VPS8: variants seen among roughly 807,000 people sequenced by gnomAD.
VPS8 encodes VPS8 subunit of CORVET complex.
Under a neutral mutation model 216.4 loss-of-function variants are expected in VPS8, and 129 were observed. That is an observed-to-expected ratio of 0.60 (90% confidence interval 0.52 to 0.69). The LOEUF is 0.69. Ranked by LOEUF, VPS8 falls within the 30% of genes least tolerant of loss-of-function variation. The probability of loss-of-function intolerance (pLI) is 0.00; values close to 1 mark genes in which losing one functional copy is unlikely to be tolerated. For missense variants in VPS8, 1,531 were observed against 1,683.5 expected, an observed-to-expected ratio of 0.91 and a Z score of 1.59; for synonymous variants, 571 against 565.4, an observed-to-expected ratio of 1.01 and a Z score of -0.14.
chr3:185,046,161 C>T (rs900892889), intron 46 of VPS8, among the ~76,000 whole-genome samples: 50 of 152,188 alleles, frequency 3.3e-4, no homozygotes, highest in African/African-American at 1.2e-3. Context: ...CCAGTTTTAT[C>T]CTTGGGGAGG....
chr3:185,023,657 T>C (rs1004981476), intron 45 of VPS8, among the ~76,000 whole-genome samples: 1 of 151,942 alleles, frequency 6.6e-6, no homozygotes. Flanking sequence ...AAACTCTGTC[T>C]CAAAAAATAA....
intron 1 of VPS8, among the ~76,000 whole-genome samples, chr3:184,819,110 G>T (rs770882298): frequency 1.3e-5 from 2 of 152,084 alleles, no homozygotes; most frequent in African/African-American, 2.4e-5. Flanking sequence ...TTTATATGGC[G>T]CATATCTTTT....
At chr3:185,028,805 T>C (rs768465670) in intron 46 of VPS8, among the ~76,000 whole-genome samples, 8 of 152,240 alleles carry the variant, frequency 5.3e-5, no homozygotes, top group Non-Finnish European at 1.0e-4. Context: ...TTAGACGATA[T>C]GCCTCATGAG....
intron 46 of VPS8, among the ~76,000 whole-genome samples, chr3:185,025,605 A>G (rs1757231185): frequency 6.6e-6 from 1 of 152,212 alleles, no homozygotes; most frequent in Non-Finnish European, 1.5e-5. Context: ...ACTCTTGTCA[A>G]GGCAGTAGGG....
intron 17 of VPS8, among the ~76,000 whole-genome samples, 155 bp downstream of exon 17, chr3:184,867,105 A>G (rs1727501888): frequency 2.0e-5 from 3 of 152,104 alleles, no homozygotes; most frequent in Admixed American, 2.0e-4. Context: ...ATTTTTAGTT[A>G]ATTATTTTTT....
intron 8 of VPS8, among the ~76,000 whole-genome samples, chr3:184,843,857 CATT>C (rs1366725389): frequency 6.6e-6 from 1 of 152,166 alleles, no homozygotes; most frequent in Non-Finnish European, 1.5e-5. Context: ...AGTACAGTAA[CATT>C]ACAATGGCAT....
At chr3:185,048,669 C>A in intron 47 of VPS8, 110 bp downstream of exon 47, 3 of 1,129,846 alleles carry the variant, frequency 2.7e-6, no homozygotes, top group African/African-American at 1.6e-5. Flanking sequence ...CTGGAAGGTG[C>A]CCTGGCATCC....
At chr3:184,992,119 A>C (rs889338580) in intron 42 of VPS8, among the ~76,000 whole-genome samples, 11 of 152,206 alleles carry the variant, frequency 7.2e-5, no homozygotes, top group Admixed American at 6.5e-4. Flanking sequence ...AACCAATCTT[A>C]GTTAGAAACT....
chr3:184,828,950 G>A (rs1003167471), intron 3 of VPS8, among the ~76,000 whole-genome samples: 1 of 152,128 alleles, frequency 6.6e-6, no homozygotes. Flanking sequence ...GATTAAGTTT[G>A]CCTGCTTTGA....
At chr3:184,926,078 T>TA in intron 30 of VPS8, among the ~76,000 whole-genome samples, 1 of 147,052 alleles carries the variant, frequency 6.8e-6, no homozygotes, top group African/African-American at 2.5e-5. Context: ...CCTAGCCTCT[T>TA]AGAGTTATGT....
chr3:184,895,049 T>G (rs1282485280), intron 23 of VPS8, 124 bp downstream of exon 23: 5 of 759,298 alleles, frequency 6.6e-6, no homozygotes. Context: ...GAGCACTTTT[T>G]GTAAGATGTA....
chr3:184,920,222 C>T (rs1008244422), intron 29 of VPS8, 24 bp downstream of exon 29: 6 of 1,396,712 alleles, frequency 4.3e-6, no homozygotes, highest in Non-Finnish European at 5.8e-6. Flanking sequence ...GAATACATGT[C>T]TTTATATTGA....
At chr3:184,960,685 A>G (rs1199334202) in intron 37 of VPS8, among the ~76,000 whole-genome samples, 2 of 152,154 alleles carry the variant, frequency 1.3e-5, no homozygotes, top group Non-Finnish European at 2.9e-5. Flanking sequence ...ACATCCCAAT[A>G]TTAGGTTGAG....
chr3:184,842,209 A>AG (rs1553828674), intron 7 of VPS8, among the ~76,000 whole-genome samples: 1 of 149,378 alleles, frequency 6.7e-6, no homozygotes, highest in African/African-American at 2.4e-5. Context: ...AAAAAAAAAA[A>AG]GAATATGTGA....
At chr3:185,014,412 G>T (rs1244741675) in intron 45 of VPS8, among the ~76,000 whole-genome samples, 2 of 152,174 alleles carry the variant, frequency 1.3e-5, no homozygotes, top group Non-Finnish European at 2.9e-5. Context: ...TCTGGCTCAT[G>T]ATAAGGTTTC....
chr3:185,024,504 G>T (rs1192290229), intron 46 of VPS8, 115 bp downstream of exon 46: 26 of 1,187,638 alleles, frequency 2.2e-5, no homozygotes, highest in Non-Finnish European at 3.0e-5. Flanking sequence ...GCTGTCAAGG[G>T]TTATTTCTGA....
At chr3:184,820,447 C>T (rs764099596) in intron 1 of VPS8, among the ~76,000 whole-genome samples, 23 of 152,152 alleles carry the variant, frequency 1.5e-4, no homozygotes, top group African/African-American at 2.9e-4. Context: ...CCAAATCATC[C>T]GGAATAACCT....
chr3:184,815,548 T>C (rs1165388633), intron 1 of VPS8, among the ~76,000 whole-genome samples: 2 of 152,180 alleles, frequency 1.3e-5, no homozygotes, highest in Admixed American at 6.5e-5. Flanking sequence ...TCCTGTGTTA[T>C]GCCATCCAAG....
At chr3:184,816,455 A>G (rs991336137) in intron 1 of VPS8, among the ~76,000 whole-genome samples, 7 of 152,146 alleles carry the variant, frequency 4.6e-5, no homozygotes, top group African/African-American at 1.7e-4. Context: ...TTAGACATTC[A>G]CCAACAACAG....
Sources: allele counts gnomAD v4.1 joint callset (sites outside exome capture counted in the v4.1 genomes callset), GRCh38; gene constraint gnomAD v4.1.1; transcripts MANE v1.5; gene names NCBI Gene and HGNC (gene_info 2026-07-23, HGNC 2026-07-21).